SHPRH: variants seen among roughly 807,000 people sequenced by gnomAD.
The protein encoded by SHPRH is E3 ubiquitin-protein ligase SHPRH.
A neutral mutation model predicts 202.5 loss-of-function variants in SHPRH; 106 were observed. The observed-to-expected ratio is 0.52, with a 90% CI of 0.45 to 0.62. The LOEUF (loss-of-function observed/expected upper bound fraction) is 0.62, where lower values mean the gene tolerates loss of function less well. SHPRH is among the 20% of genes least tolerant of loss of function. SHPRH has a pLI of 0.00. For missense variants in SHPRH, 1,710 were observed against 2,020.0 expected (o/e 0.85, Z 2.94); for synonymous variants, 729 against 686.0 (o/e 1.06, Z -0.98).
rs1784527670 is a variant in SHPRH at position 145,922,719 on chromosome 6, A to G, written c.3663T>C (p.Asn1221=). Residue 1221 remains asparagine (N), a synonymous_variant, in exon 19 of 30, where the codon AAT becomes AAC. Coordinates refer to ENST00000275233, the MANE Select transcript of SHPRH (RefSeq NM_001042683.3). ...GACAGACTGTTGCAGACTCAATAACATTACGAGATGGAGGTCCCTCCAGGT... is the reference window on the plus strand; with the variant it reads ...GACAGACTGTTGCAGACTCAATAACGTTACGAGATGGAGGTCCCTCCAGGT... The part of the protein sequence containing the change: ...VKNLEGPPSR[N]VIESATVCHL... 2 of 1,612,076 alleles carry G rather than the reference A, an allele frequency of 1.2e-6. No individual in the cohort carries two copies. The highest frequency in any genetic ancestry group is 1.3e-5 in the African/African-American group (1 of 74,760).
chr6:145,872,590 G>C (rs1780104930), intron 2 of SHPRH, among the ~76,000 whole-genome samples: 2 of 152,146 alleles, frequency 1.3e-5, no homozygotes, highest in Non-Finnish European at 2.9e-5. Context: ...ACTGTTGGTG[G>C]GAGTGTAAAT....
intron 25 of SHPRH, chr6:145,906,122 T>C (rs1782936053): frequency 6.6e-6 from 1 of 151,994 alleles, no homozygotes; most frequent in African/African-American, 2.4e-5. Flanking sequence ...TTTCAGAGCA[T>C]TAGTTCTCAT....
chr6:145,916,647 T>C (rs1783978750), intron 23 of SHPRH, among the ~76,000 whole-genome samples: 1 of 152,154 alleles, frequency 6.6e-6, no homozygotes, highest in Non-Finnish European at 1.5e-5. Flanking sequence ...TCCTTAAAAT[T>C]TTAGGTTTTA....
rs1582789866 is a variant in SHPRH at position 145,943,513 on chromosome 6, A to C, written c.1868T>G (p.Phe623Cys). 1.9e-6 allele frequency: 3 copies of C among 1,614,016 alleles called. No homozygotes were observed. In the East Asian group the frequency reaches 6.7e-5, roughly 36 times the overall value. The change falls in exon 9 of 30, where the codon TTC (phenylalanine) becomes TGC (cysteine). Residue 623 changes from phenylalanine to cysteine, a missense_variant. Physicochemically the swap from Phe to Cys is radical, Grantham distance 205. Coordinates refer to ENST00000275233, the MANE Select transcript of SHPRH (RefSeq NM_001042683.3). ...GTCCTCTGTTTCATGTTCTTGGTTG[A>C]ATTCAGAGATACATGTACTTTTAGA... ...AMSKSTCISEFNQEHETEDCA... is the reference protein window; with the variant it reads ...AMSKSTCISECNQEHETEDCA...
chr6:145,890,775 T>C (rs897114909), intron 28 of SHPRH, among the ~76,000 whole-genome samples: 2 of 152,198 alleles, frequency 1.3e-5, no homozygotes, highest in Admixed American at 6.5e-5. Flanking sequence ...CCCTGTAGAC[T>C]TCTCCAGCTC....
At chr6:145,944,078 A>C (rs527410564) in intron 8 of SHPRH, among the ~76,000 whole-genome samples, 2 of 152,298 alleles carry the variant, frequency 1.3e-5, no homozygotes, top group Admixed American at 1.3e-4. Flanking sequence ...TTATTTACCT[A>C]CTATGATTTA....
intron 2 of SHPRH, among the ~76,000 whole-genome samples, chr6:145,869,623 A>G (rs1779961471): frequency 1.3e-5 from 2 of 152,114 alleles, no homozygotes; most frequent in African/African-American, 4.8e-5. Context: ...TTTATCAAAG[A>G]TTAGTTGGCT....
At chr6:145,944,926 T>C (rs1202964138) in intron 8 of SHPRH, among the ~76,000 whole-genome samples, 2 of 152,036 alleles carry the variant, frequency 1.3e-5, no homozygotes, top group African/African-American at 2.4e-5. Flanking sequence ...CCAGGCATGG[T>C]GACATGAGCC....
chr6:145,945,473 C>T lies in SHPRH; in HGVS notation c.1486G>A (p.Val496Met), dbSNP rs769717925. 9 of 1,613,140 alleles carry T rather than the reference C, an allele frequency of 5.6e-6. No homozygotes were observed. Among genetic ancestry groups the T allele is most frequent in the East Asian group, 2.2e-5 (1 of 44,796 alleles). Residue 496 changes from valine to methionine, a missense_variant, in exon 8 of 30, where the codon GTG becomes ATG. This residue lies in a region of SHPRH where 348 missense variants were observed against 356.9 expected (regional missense o/e 0.97). Coordinates refer to ENST00000275233, the MANE Select transcript of SHPRH (RefSeq NM_001042683.3). Reference sequence around the variant, plus strand: ...AAACCATGGCCTTTGATCTGTTTCACGAGACCTTCAAAAATTAAACATTTC... The same window carrying T: ...AAACCATGGCCTTTGATCTGTTTCATGAGACCTTCAAAAATTAAACATTTC... Reference protein sequence around the residue: ...MLKCLIFEGLVKQIKGHGFSG... With the variant: ...MLKCLIFEGLMKQIKGHGFSG...
intron 25 of SHPRH, among the ~76,000 whole-genome samples, chr6:145,900,802 A>G (rs186383698): frequency 6.6e-6 from 1 of 152,238 alleles, no homozygotes; most frequent in Non-Finnish European, 1.5e-5. Context: ...GTAAATTATT[A>G]TAGTGTCTTT....
rs146708922 is a variant in SHPRH at position 145,953,595 on chromosome 6, A to C, written c.633+1095T>G. On this transcript the variant is annotated intron_variant, in intron 2 of 29. Coordinates refer to ENST00000275233, the MANE Select transcript of SHPRH (RefSeq NM_001042683.3). ...TCTGACAATTCTAAAACTATAACTA[A>C]GGTTATCGATGCAAGAAATATATGA... 3.8e-3 allele frequency among the ~76,000 whole-genome samples: 572 copies of C among 152,216 alleles called. 5 individuals are homozygous for C. The highest frequency in any genetic ancestry group is 0.013 in the African/African-American group (548 of 41,558).
intron 7 of SHPRH, 148 bp from the exon 8 acceptor site, chr6:145,945,785 T>C: frequency 1.3e-6 from 1 of 759,182 alleles, no homozygotes; most frequent in Non-Finnish European, 1.9e-6. Flanking sequence ...TGAAAAAATA[T>C]GTAATAAAAA....
In SHPRH at chr6:145,910,715, A is replaced by G; in HGVS notation, c.4327-79T>C. ...TAAGCATATTAAAAAGAGATTCGCA[A>G]TTTTTCCTCCTAAAGATTTCATAAC... is the stretch of plus-strand genomic sequence containing the variant. On this transcript the variant is annotated intron_variant, in intron 24 of 29. Coordinates refer to ENST00000275233, the MANE Select transcript of SHPRH (RefSeq NM_001042683.3). 4 of 1,311,924 alleles carry G rather than the reference A, an allele frequency of 3.0e-6. No individual in the cohort carries two copies. In the South Asian group the frequency reaches 7.6e-5, roughly 25 times the overall value. The allele number at this position is 1,311,924 out of a possible 1,614,324, so 81.3% of individuals were successfully genotyped here.
rs541332154 is a variant in SHPRH, at chr6:145,871,192, G to C, written c.222-6701C>G. ...CCAACCCCTATTCAATATAGTATTG[G>C]AAGTTATGGCCACGGCAATCGGGCA... On this transcript the variant is annotated intron_variant, in intron 2 of 2. Transcript: ENST00000417762. The C allele has an allele frequency of 3.3e-5, 5 of 152,266 alleles. No individual in the cohort carries two copies. In the South Asian group the frequency reaches 1.0e-3, roughly 32 times the overall value. 9.4% of individuals were successfully genotyped at this position (152,266 alleles called of 1,614,324 possible).
intron 16 of SHPRH, 70 bp from the exon 17 acceptor site, chr6:145,924,916 A>C: frequency 8.1e-7 from 1 of 1,228,342 alleles, no homozygotes; most frequent in Non-Finnish European, 1.2e-6. Context: ...TGTTTCAAGA[A>C]GAATGGGTCA....
rs564117990 is a variant in SHPRH at position 145,921,130 on chromosome 6, A to G, written c.4008+37T>C. 4 of 1,554,060 alleles carry G rather than the reference A, an allele frequency of 2.6e-6. No individual in the cohort carries two copies. The South Asian group carries it at 4.7e-5, about 18-fold the overall frequency. On this transcript the variant is annotated intron_variant, in intron 21 of 29. Coordinates refer to ENST00000275233, the MANE Select transcript of SHPRH (RefSeq NM_001042683.3). ...GTTAAAATTGATGTAAAAAAGAAGAATTTTTAATTTTGGAAGGAAGTTTTA... is the reference window on the plus strand; with the variant it reads ...GTTAAAATTGATGTAAAAAAGAAGAGTTTTTAATTTTGGAAGGAAGTTTTA...
At chr6:145,938,817 T>C (rs545576423) in intron 11 of SHPRH, among the ~76,000 whole-genome samples, 2 of 152,330 alleles carry the variant, frequency 1.3e-5, no homozygotes, top group South Asian at 4.1e-4. Flanking sequence ...TTCTATATTA[T>C]ACAAATGAAT....
chr6:145,951,874 A>G (rs1170561985), intron 3 of SHPRH: 1 of 456,008 alleles, frequency 2.2e-6, no homozygotes, highest in Non-Finnish European at 4.4e-6. Flanking sequence ...TCCCAAGGTG[A>G]CCAATGGCAG....
chr6:145,895,219 T>G (rs1197423784), intron 25 of SHPRH, among the ~76,000 whole-genome samples: 1 of 152,076 alleles, frequency 6.6e-6, no homozygotes, highest in Non-Finnish European at 1.5e-5. Flanking sequence ...CAGAAAGTCA[T>G]TAAGTGCTAT....
Sources: allele counts gnomAD v4.1 joint callset (sites outside exome capture counted in the v4.1 genomes callset), GRCh38; gene constraint gnomAD v4.1.1; regional missense constraint gnomAD v4.1.1; transcripts MANE v1.5; gene names NCBI Gene and HGNC (gene_info 2026-07-23, HGNC 2026-07-21).